The following NLRP1 variants were observed in gnomAD, a reference collection of about 807,000 sequenced individuals.
The protein encoded by NLRP1 is NACHT, LRR and PYD domains-containing protein 1.
In NLRP1, 94 loss-of-function variants were observed where a neutral mutation model predicts 136.7. The ratio of observed to expected loss-of-function variants is 0.69; its 90% CI spans 0.58 to 0.82. NLRP1 has a LOEUF of 0.82. Among genes scored for constraint, NLRP1 ranks in the 40% least tolerant of loss-of-function variants. NLRP1 has a pLI of 0.00. For missense variants in NLRP1, 1,575 were observed against 1,802.7 expected (o/e 0.87, Z 2.29); for synonymous variants, 690 against 725.1 (o/e 0.95, Z 0.78).
chr17:5,539,649 G>T, intron 6 of NLRP1, 64 bp from the exon 7 acceptor site: 1 of 1,452,058 alleles, frequency 6.9e-7, no homozygotes, highest in South Asian at 1.4e-5. Context: ...AGGGTAACTA[G>T]GGTCTGATCT....
intron 14 of NLRP1, among the ~76,000 whole-genome samples, chr17:5,520,135 C>T (rs774841766): frequency 3.9e-5 from 6 of 152,048 alleles, no homozygotes; most frequent in Admixed American, 1.3e-4. Flanking sequence ...GGATTACAGG[C>T]GTGAGCCACC....
At chr17:5,566,964 T>C (rs760960326) in intron 3 of NLRP1, among the ~76,000 whole-genome samples, 2 of 152,164 alleles carry the variant, frequency 1.3e-5, no homozygotes, top group African/African-American at 4.8e-5. Flanking sequence ...ATCTATTTTG[T>C]CTGATACAAG....
intron 3 of NLRP1, among the ~76,000 whole-genome samples, chr17:5,577,649 A>G (rs1905152184): frequency 6.6e-6 from 1 of 152,250 alleles, no homozygotes; most frequent in South Asian, 2.1e-4. Context: ...GCTCATGGAT[A>G]GGAAGAATCA....
intron 11 of NLRP1, among the ~76,000 whole-genome samples, chr17:5,531,138 TTGTC>T (rs372455691): frequency 0.01 from 1,276 of 127,270 alleles, 14 homozygotes; most frequent in South Asian, 0.028. Flanking sequence ...CTGTCTTGTC[TTGTC>T]TGTCTATCTA....
At chr17:5,517,062 G>A (rs562503034) in intron 15 of NLRP1, among the ~76,000 whole-genome samples, 3 of 152,052 alleles carry the variant, frequency 2.0e-5, no homozygotes, top group African/African-American at 4.8e-5. Flanking sequence ...TTGCCAAATC[G>A]GTTTAACCCA....
At chr17:5,513,491 G>A (rs533929607), downstream of NLRP1, among the ~76,000 whole-genome samples, 225 of 152,266 alleles carry the variant, frequency 1.5e-3, no homozygotes, top group African/African-American at 5.0e-3. Flanking sequence ...GTGTTCGGAC[G>A]GTTCAAGTTT....
At chr17:5,513,615 T>C (rs1488564220), downstream of NLRP1, among the ~76,000 whole-genome samples, 1 of 152,168 alleles carries the variant, frequency 6.6e-6, no homozygotes, top group Non-Finnish European at 1.5e-5. Flanking sequence ...TACGAAGACA[T>C]TTCTATGCCT....
chr17:5,533,709 C>T (rs961904110), intron 9 of NLRP1, among the ~76,000 whole-genome samples, 188 bp downstream of exon 9: 4 of 151,804 alleles, frequency 2.6e-5, no homozygotes, highest in African/African-American at 2.4e-5. Flanking sequence ...CGGTGGGTCT[C>T]GGAGAGAGGG....
chr17:5,533,404 A>C lies in NLRP1; in HGVS notation c.3053-20T>G. The C allele has an allele frequency of 2.3e-6, 2 of 872,042 alleles. No homozygotes were observed. Among genetic ancestry groups the C allele is most frequent in the African/African-American group, 1.7e-5 (1 of 60,238 alleles). The allele number at this position is 872,042 out of a possible 1,614,324, so 54.0% of individuals were successfully genotyped here. A position where few individuals can be genotyped will look rare whatever the true frequency, so the allele number is the denominator to read the frequency against. ...CCCTCTCTACAGAAAAAAGAAAAATATCAGCCAGGCATGGTGGTGAGCATC... is the reference window on the plus strand; with the variant it reads ...CCCTCTCTACAGAAAAAAGAAAAATCTCAGCCAGGCATGGTGGTGAGCATC... On this transcript the variant is annotated intron_variant, in intron 9 of 16. Coordinates refer to ENST00000572272, the MANE Select transcript of NLRP1 (RefSeq NM_033004.4).
chr17:5,550,241 G>C (rs1315480679), intron 5 of NLRP1, among the ~76,000 whole-genome samples: 1 of 151,740 alleles, frequency 6.6e-6, no homozygotes, highest in East Asian at 1.9e-4. Context: ...TCTCTTTTCT[G>C]CTATTTTTGG....
intron 15 of NLRP1, chr17:5,505,539 T>A (rs1459683577): frequency 6.6e-6 from 1 of 152,322 alleles, no homozygotes; most frequent in Non-Finnish European, 1.5e-5. Flanking sequence ...CCAGGTCCCA[T>A]CAAACTTCAC....
At position 5,584,145 on chromosome 17, in the gene NLRP1, C is replaced by T. The variant is rs117124363; in HGVS notation, c.-188G>A. 3.2e-6 allele frequency: 2 copies of T among 628,230 alleles called. No homozygotes were observed. Among genetic ancestry groups the T allele is most frequent in the Non-Finnish European group, 5.5e-6 (2 of 365,198 alleles). The allele number at this position is 628,230 out of a possible 1,614,324, so 38.9% of individuals were successfully genotyped here. ...ATAGAGGGGGAGTGGTAGGAAAAGC[C>T]AGGGGAGGGAGGAGCCCAGAGGGGC... On this transcript the variant is annotated 5_prime_UTR_variant, in exon 1 of 17. Coordinates refer to ENST00000572272, the MANE Select transcript of NLRP1 (RefSeq NM_033004.4).
chr17:5,515,248 GGGGTTCCTGCT>G (rs1436117144), intron 16 of NLRP1, among the ~76,000 whole-genome samples, 175 bp from the exon 17 acceptor site: 1 of 152,224 alleles, frequency 6.6e-6, no homozygotes, highest in African/African-American at 2.4e-5. Flanking sequence ...GATCGGGAGT[GGGGTTCCTGCT>G]GGGCACATTG....
intron 15 of NLRP1, among the ~76,000 whole-genome samples, chr17:5,516,456 T>G (rs1908128698): frequency 6.6e-6 from 1 of 152,222 alleles, no homozygotes; most frequent in Non-Finnish European, 1.5e-5. Context: ...AGAATCTAAA[T>G]GGCTTTTTAG....
chr17:5,553,239 G>T, intron 5 of NLRP1, 147 bp downstream of exon 5: 2 of 664,506 alleles, frequency 3.0e-6, no homozygotes. Flanking sequence ...AATCCTATCT[G>T]TGTTTGTTTA....
intron 5 of NLRP1, among the ~76,000 whole-genome samples, chr17:5,547,762 A>C (rs1216158560): frequency 6.6e-6 from 1 of 152,166 alleles, no homozygotes; most frequent in East Asian, 1.9e-4. Context: ...GAGCAGCCTC[A>C]TAAGGATACA....
chr17:5,521,182 T>C (rs1908857550), intron 13 of NLRP1, among the ~76,000 whole-genome samples, 170 bp from the exon 14 acceptor site: 1 of 152,168 alleles, frequency 6.6e-6, no homozygotes, highest in African/African-American at 2.4e-5. Context: ...TGGTCTTTGA[T>C]GTCTTCAGGA....
At chr17:5,562,458 A>G (rs1228521067) in intron 3 of NLRP1, among the ~76,000 whole-genome samples, 2 of 152,218 alleles carry the variant, frequency 1.3e-5, no homozygotes, top group East Asian at 1.9e-4. Flanking sequence ...AACCCCGTTT[A>G]CCAGAACACC....
At position 5,558,574 on chromosome 17, in the gene NLRP1, G is replaced by A. The variant is rs775334695; in HGVS notation, c.2122C>T (p.Gln708Ter). 1 of 1,614,092 alleles carries A rather than the reference G, an allele frequency of 6.2e-7. No individual in the cohort carries two copies. The highest frequency in any genetic ancestry group is 8.5e-7 in the Non-Finnish European group (1 of 1,180,014). ...RNLMQWVPSL[Q>*]LLLQPHSLES... The stretch of plus-strand genomic sequence containing the variant: ...AGAGAGTGTGGCTGCAGCAGCAGCT[G>A]CAGGGACGGGACCCACTGCATCAGG... Residue 708 changes from glutamine to a stop codon, truncating the protein, a stop_gained, in exon 4 of 17, where the codon CAG (glutamine) becomes TAG (stop). Transcript: ENST00000572272. LOFTEE classifies it high-confidence loss of function.
Sources: gnomAD v4.1 joint callset for allele counts (sites outside exome capture counted in the v4.1 genomes callset) on GRCh38, gnomAD v4.1.1 for gene constraint, MANE v1.5 for transcripts, NCBI Gene and HGNC (gene_info 2026-07-23, HGNC 2026-07-21) for gene names.